TECTA: variants seen among roughly 807,000 people sequenced by gnomAD.
TECTA encodes the protein tectorin alpha.
In TECTA, 128 loss-of-function variants were observed where a neutral mutation model predicts 216.8. The observed-to-expected ratio is 0.59, with a 90% CI of 0.51 to 0.68. The LOEUF (loss-of-function observed/expected upper bound fraction) is 0.68, where lower values mean the gene tolerates loss of function less well. Among genes scored for constraint, TECTA ranks in the 30% least tolerant of loss-of-function variants. The pLI, the probability that TECTA is intolerant of heterozygous loss-of-function variation, is 0.00. For missense variants in TECTA, 2,551 were observed against 2,786.2 expected (o/e 0.92, Z 1.90); for synonymous variants, 1,089 against 1,117.1 (o/e 0.97, Z 0.50).
At chr11:121,189,523 G>A (rs982113670) in intron 22 of TECTA, among the ~76,000 whole-genome samples, 6 of 151,928 alleles carry the variant, frequency 3.9e-5, no homozygotes, top group Non-Finnish European at 5.9e-5. Context: ...ACAGGTGCCC[G>A]CCCCCACGCC....
rs11501154 is a variant in TECTA, at chr11:121,181,563, G to C, written c.6000-6269G>C. On this transcript the variant is annotated intron_variant, in intron 20 of 23. Transcript: ENST00000392793. ...CAGTTCACCACAACCTCTGCCTCCC[G>C]GGTTCAAGTGATTCTCCTGCCTCAG... 6.9e-4 allele frequency among the ~76,000 whole-genome samples: 105 copies of C among 152,102 alleles called. 1 individual carries two copies. The East Asian group carries it at 0.019, about 27-fold the overall frequency.
chr11:121,189,810 G>C lies in TECTA; in HGVS notation c.6297G>C (p.Thr2099=), dbSNP rs145589648. The change falls in exon 23 of 24, where the codon ACG becomes ACC. Residue 2099 remains threonine (T), a synonymous_variant. Coordinates refer to ENST00000392793, the MANE Select transcript of TECTA (RefSeq NM_005422.4). The part of the protein sequence containing the change: ...EDNGGCEQIC[T]SRVDGPLCSC... ...ATGGAGGGTGTGAGCAGATTTGCAC[G>C]AGCCGGGTGGATGGGCCTCTCTGCA... 7.4e-5 allele frequency: 119 copies of C among 1,613,882 alleles called. No individual in the cohort carries two copies. Among genetic ancestry groups the C allele is most frequent in the Admixed American group, 3.0e-4 (18 of 59,994 alleles).
Position 121,183,329 on chromosome 11 carries a change from C to T in TECTA, c.6000-4503C>T, listed in dbSNP as rs150536484. ...TGGGTCTGAGGGGCTGGAGGGTGTG[C>T]GATTCAGTGTGAACTCCTTCTCTGG... On this transcript the variant is annotated intron_variant, in intron 20 of 23. Transcript: ENST00000392793. 3.7e-3 allele frequency among the ~76,000 whole-genome samples: 562 copies of T among 152,116 alleles called. 5 individuals carry two copies. Among genetic ancestry groups the T allele is most frequent in the African/African-American group, 0.013 (537 of 41,486 alleles).
At chr11:121,163,703 A>C (rs1690031749) in intron 16 of TECTA, among the ~76,000 whole-genome samples, 1 of 152,258 alleles carries the variant, frequency 6.6e-6, no homozygotes, top group Admixed American at 6.5e-5. Flanking sequence ...TATCATTAAA[A>C]AATACTCAAA....
chr11:121,165,406 C>A, intron 17 of TECTA, 23 bp downstream of exon 17: 1 of 1,553,160 alleles, frequency 6.4e-7, no homozygotes, highest in East Asian at 2.4e-5. Context: ...GGCCACCTCC[C>A]CACCCAGAAA....
At chr11:121,179,974 GTT>G (rs368080288) in intron 20 of TECTA, among the ~76,000 whole-genome samples, 5 of 120,672 alleles carry the variant, frequency 4.1e-5, no homozygotes, top group Non-Finnish European at 7.4e-5. Flanking sequence ...TTGTTTGTTT[GTT>G]TTTTTTTTTT....
chr11:121,161,099 A>C (rs1374556413), intron 15 of TECTA, among the ~76,000 whole-genome samples: 1 of 152,162 alleles, frequency 6.6e-6, no homozygotes, highest in African/African-American at 2.4e-5. Flanking sequence ...CTTTACAGCT[A>C]AATATCAGCT....
Position 121,137,468 on chromosome 11 carries a change from A to G in TECTA, c.2989A>G (p.Thr997Ala). The change falls in exon 11 of 24, where the codon ACA becomes GCA. Residue 997 changes from threonine (T) to alanine (A), a missense_variant. This residue lies in a region of TECTA where 2,375 missense variants were observed against 2,563.9 expected (regional missense o/e 0.93). Transcript: ENST00000392793. ...CCACTTTGAGGAGTGCATCACATGT[A>G]CAGAGACCTGTGAGACCCTTACCCT... ...NSHFEECITC[T>A]ETCETLTLGP... 6.2e-7 allele frequency: 1 copy of G among 1,613,980 alleles called. No individual in the cohort carries two copies. Among genetic ancestry groups the G allele is most frequent in the Non-Finnish European group, 8.5e-7 (1 of 1,179,990 alleles).
Position 121,168,797 on chromosome 11 carries a change from T to C in TECTA, c.5871T>C (p.Asp1957=), listed in dbSNP as rs1390411139. 9.3e-6 allele frequency: 15 copies of C among 1,614,074 alleles called. No individual in the cohort carries two copies. The highest frequency in any genetic ancestry group is 1.3e-5 in the Non-Finnish European group (15 of 1,180,030). ...GTGAAGTAGTGTTGACGACTCGAGA[T>C]GTGCTGTATGTAGGGGTTTTTGTGG... ...RQGEVVLTTR[D]VLYVGVFVVG... The change falls in exon 20 of 24, where the codon GAT becomes GAC. Residue 1957 remains aspartate (D), a synonymous_variant. Coordinates refer to ENST00000392793, the MANE Select transcript of TECTA (RefSeq NM_005422.4).
At chr11:121,181,159 G>A (rs4935762) in intron 20 of TECTA, among the ~76,000 whole-genome samples, 40,760 of 151,686 alleles carry the variant, frequency 0.27, 6,888 homozygotes, top group African/African-American at 0.47. Flanking sequence ...GCAAGACTCC[G>A]TCTCAAAAAA....
chr11:121,138,533 C>T (rs2135097407), intron 11 of TECTA, among the ~76,000 whole-genome samples: 1 of 152,316 alleles, frequency 6.6e-6, no homozygotes, highest in South Asian at 2.1e-4. Context: ...CCTTTTGGCT[C>T]CCAAGGGATC....
intron 7 of TECTA, among the ~76,000 whole-genome samples, chr11:121,123,260 A>C (rs377100161): frequency 7.6e-4 from 115 of 152,314 alleles, no homozygotes; most frequent in African/African-American, 2.6e-3. Flanking sequence ...TAGGCATAGT[A>C]AGTGTGAAAA....
rs140236996 is a variant in TECTA at position 121,168,064 on chromosome 11, C to T, written c.5597C>T (p.Thr1866Met). ...CCCCTTGTTCTGCAGTCCAATGGCA[C>T]GCATATCATGTATAAAAACACACTC... ...NCGNIVQSNGTHIMYKNTLWI... is the reference protein window; with the variant it reads ...NCGNIVQSNGMHIMYKNTLWI... Residue 1866 changes from threonine to methionine, a missense_variant, in exon 19 of 24, where the codon ACG becomes ATG. Transcript: ENST00000392793. The T allele has an allele frequency of 1.9e-6, 3 of 1,614,014 alleles. No homozygotes were observed. The highest frequency in any genetic ancestry group is 1.1e-5 in the South Asian group (1 of 91,086).
At chr11:121,171,393 G>A (rs554510837) in intron 20 of TECTA, among the ~76,000 whole-genome samples, 1 of 152,030 alleles carries the variant, frequency 6.6e-6, no homozygotes, top group Non-Finnish European at 1.5e-5. Context: ...AGTGAGTATT[G>A]CTTGGGCTAT....
Position 121,129,661 on chromosome 11 carries a change from G to C in TECTA, c.2391G>C (p.Leu797Phe). ...EVKLNGQEVELPFFHPSGKLE... is the reference protein window; with the variant it reads ...EVKLNGQEVEFPFFHPSGKLE... ...AGTTGAATGGTCAGGAAGTGGAATT[G>C]CCTTTTTTCCATCCTTCGGGGAAGC... Residue 797 changes from leucine (L) to phenylalanine (F), a missense_variant, in exon 10 of 24, where the codon TTG (leucine) becomes TTC (phenylalanine). By Grantham distance (22) the Leu-to-Phe change is conservative. Transcript: ENST00000392793. 6.2e-7 allele frequency: 1 copy of C among 1,614,242 alleles called. No individual in the cohort carries two copies. Among genetic ancestry groups the C allele is most frequent in the Non-Finnish European group, 8.5e-7 (1 of 1,180,052 alleles).
rs367938894 is a variant in TECTA at position 121,188,640 on chromosome 11, T to C, written c.6163-440T>C. On this transcript the variant is annotated intron_variant, in intron 21 of 23. Transcript: ENST00000392793. ...TACGGGCTGGGTCCTTAAGATTTGA[T>C]TGCACCAATACCTGGCCCCTAGCCT... 2.0e-4 allele frequency among the ~76,000 whole-genome samples: 30 copies of C among 152,352 alleles called. No individual in the cohort carries two copies. In the East Asian group the frequency reaches 4.8e-3, roughly 24 times the overall value.
At chr11:121,154,438 A>G (rs1946922077) in intron 13 of TECTA, among the ~76,000 whole-genome samples, 1 of 152,244 alleles carries the variant, frequency 6.6e-6, no homozygotes. Context: ...TTTGAAAGGA[A>G]AAGGCAGAAC....
intron 6 of TECTA, among the ~76,000 whole-genome samples, chr11:121,114,487 AT>A (rs1482947318): frequency 1.3e-5 from 2 of 152,324 alleles, no homozygotes; most frequent in East Asian, 3.9e-4. Flanking sequence ...TTCTGATAAT[AT>A]TTCTACTTCC....
chr11:121,121,329 G>A (rs949910101), intron 7 of TECTA, among the ~76,000 whole-genome samples: 1 of 152,128 alleles, frequency 6.6e-6, no homozygotes, highest in African/African-American at 2.4e-5. Flanking sequence ...TCCTCCCCCT[G>A]CCCCTACCCA....
Sources: gnomAD v4.1 joint callset for allele counts (sites outside exome capture counted in the v4.1 genomes callset) on GRCh38, gnomAD v4.1.1 for gene constraint, gnomAD v4.1.1 regional missense constraint, MANE v1.5 for transcripts, NCBI Gene and HGNC (gene_info 2026-07-23, HGNC 2026-07-21) for gene names.